NCAM2: variants seen among roughly 807,000 people sequenced by gnomAD.
The protein encoded by NCAM2 is neural cell adhesion molecule 2.
In NCAM2, 30 loss-of-function variants were observed where a neutral mutation model predicts 98.1. The ratio of observed to expected loss-of-function variants is 0.31; its 90% CI spans 0.23 to 0.41. The LOEUF (loss-of-function observed/expected upper bound fraction) is 0.41, where lower values mean the gene tolerates loss of function less well. Ranked by LOEUF, NCAM2 falls within the 10% of genes least tolerant of loss-of-function variation. The pLI, the probability that NCAM2 is intolerant of heterozygous loss-of-function variation, is 1.00. For missense variants in NCAM2, 867 were observed against 1,005.8 expected (o/e 0.86, Z 1.87); for synonymous variants, 368 against 342.4 (o/e 1.07, Z -0.83).
chr21:21,050,316 T>G, intron 1 of NCAM2, among the ~76,000 whole-genome samples: 1 of 152,184 alleles, frequency 6.6e-6, no homozygotes, highest in East Asian at 1.9e-4. Flanking sequence ...TGCCAAAACC[T>G]GATTTTAGTA....
At chr21:21,451,528 AG>A (rs1395999221) in intron 12 of NCAM2, among the ~76,000 whole-genome samples, 2 of 152,292 alleles carry the variant, frequency 1.3e-5, no homozygotes, top group East Asian at 3.9e-4. Context: ...TAGACATTTT[AG>A]TAAAATTAAA....
At chr21:21,027,278 G>A (rs2064570814) in intron 1 of NCAM2, among the ~76,000 whole-genome samples, 1 of 152,194 alleles carries the variant, frequency 6.6e-6, no homozygotes, top group African/African-American at 2.4e-5. Context: ...TAGGTAAGGT[G>A]AGCTCATTCA....
chr21:21,197,192 C>T (rs758174602), intron 1 of NCAM2, among the ~76,000 whole-genome samples: 3 of 152,154 alleles, frequency 2.0e-5, no homozygotes, highest in African/African-American at 7.2e-5. Flanking sequence ...TGCAGTGGCA[C>T]GATCTCAGCT....
intron 1 of NCAM2, among the ~76,000 whole-genome samples, chr21:21,144,105 T>C (rs2146667524): frequency 6.6e-6 from 1 of 152,214 alleles, no homozygotes; most frequent in East Asian, 1.9e-4. Context: ...ATCCCAGCAC[T>C]TTGGGAGGCC....
At position 21,468,794 on chromosome 21, in the gene NCAM2, T is replaced by C; in HGVS notation, c.1896+11T>C. 3 of 1,606,374 alleles carry C rather than the reference T, an allele frequency of 1.9e-6. No individual in the cohort carries two copies. Among genetic ancestry groups the C allele is most frequent in the Non-Finnish European group, 2.6e-6 (3 of 1,175,386 alleles). ...GTGAAATATAGAAGTGTAAGTACCTTGTTTATTGTCATATCATGCTAGGTT... is the reference window on the plus strand; with the variant it reads ...GTGAAATATAGAAGTGTAAGTACCTCGTTTATTGTCATATCATGCTAGGTT... On this transcript the variant is annotated intron_variant, in intron 14 of 17. Transcript: ENST00000400546.
intron 1 of NCAM2, among the ~76,000 whole-genome samples, chr21:21,240,523 G>A (rs571191857): frequency 6.6e-6 from 1 of 152,182 alleles, no homozygotes; most frequent in African/African-American, 2.4e-5. Flanking sequence ...TGGTGTGGTG[G>A]AAAAGGCACT....
rs571064448 is a variant in NCAM2 at position 21,507,298 on chromosome 21, C to T, written c.2078-1553C>T. On this transcript the variant is annotated intron_variant, in intron 15 of 17. Transcript: ENST00000400546. ...TCAAGTCATTATTAAAATATTAAAC[C>T]TAAGTTTAAAAATATCACATAGGAA... Among the ~76,000 whole-genome samples, 42 of 151,960 alleles carry T rather than the reference C, an allele frequency of 2.8e-4. No homozygotes were observed. The South Asian group carries it at 8.3e-3, about 30-fold the overall frequency.
intron 15 of NCAM2, among the ~76,000 whole-genome samples, chr21:21,490,144 A>G (rs1403526335): frequency 6.6e-6 from 1 of 152,088 alleles, no homozygotes; most frequent in Admixed American, 6.5e-5. Context: ...CTAATTTCCA[A>G]GCCTGAACTG....
chr21:21,086,734 C>T (rs950385804), intron 1 of NCAM2, among the ~76,000 whole-genome samples: 3 of 152,056 alleles, frequency 2.0e-5, no homozygotes, highest in African/African-American at 7.2e-5. Flanking sequence ...ATGAAATGGA[C>T]AGTTAATTTA....
intron 1 of NCAM2, among the ~76,000 whole-genome samples, chr21:21,045,832 A>G (rs1311981040): frequency 1.3e-5 from 2 of 152,148 alleles, no homozygotes; most frequent in Non-Finnish European, 2.9e-5. Context: ...ATTCCCTTCT[A>G]TCTTAGATAT....
chr21:21,037,249 TTTATTA>T (rs1261268958), intron 1 of NCAM2, among the ~76,000 whole-genome samples: 4 of 152,178 alleles, frequency 2.6e-5, no homozygotes, highest in African/African-American at 9.7e-5. Context: ...CTTGTTTTCT[TTTATTA>T]TTAATAGCAA....
chr21:21,022,250 CTTCT>C (rs1330978164), intron 1 of NCAM2, among the ~76,000 whole-genome samples: 3 of 151,824 alleles, frequency 2.0e-5, no homozygotes, highest in Non-Finnish European at 4.4e-5. Flanking sequence ...TGTGTTTTTC[CTTCT>C]TTATTTAGAT....
At chr21:21,033,543 T>G (rs1444900308) in intron 1 of NCAM2, among the ~76,000 whole-genome samples, 1 of 152,106 alleles carries the variant, frequency 6.6e-6, no homozygotes, top group Non-Finnish European at 1.5e-5. Flanking sequence ...TAAATTTTTT[T>G]TCAGGTGAAA....
At position 21,318,683 on chromosome 21, in the gene NCAM2, TTACC is replaced by T. The variant is rs1443327871; in HGVS notation, c.620-5697_620-5694del. Reference sequence around the variant, plus strand: ...ACATATTAAATATTCATTTACCACTTTACCTATGAATTTCAATTATGGTTAATTA... The same window carrying T: ...ACATATTAAATATTCATTTACCACTTTATGAATTTCAATTATGGTTAATTA... On this transcript the variant is annotated intron_variant, in intron 5 of 17. Transcript: ENST00000400546. Among the ~76,000 whole-genome samples, 11 of 152,306 alleles carry T rather than the reference TTACC, an allele frequency of 7.2e-5. No individual in the cohort carries two copies. In the East Asian group the frequency reaches 2.1e-3, roughly 29 times the overall value.
chr21:21,001,067 G>A (rs1334633957), intron 1 of NCAM2, among the ~76,000 whole-genome samples: 1 of 152,166 alleles, frequency 6.6e-6, no homozygotes, highest in Non-Finnish European at 1.5e-5. Context: ...CATGATTGAA[G>A]CTATTGCTTT....
intron 5 of NCAM2, among the ~76,000 whole-genome samples, chr21:21,294,032 C>T (rs2073389896): frequency 6.6e-6 from 1 of 151,380 alleles, no homozygotes; most frequent in Non-Finnish European, 1.5e-5. Context: ...GGCATAGTAA[C>T]CCTTTGTTAT....
chr21:21,169,711 G>T (rs2068059991), intron 1 of NCAM2, among the ~76,000 whole-genome samples: 1 of 152,178 alleles, frequency 6.6e-6, no homozygotes, highest in African/African-American at 2.4e-5. Flanking sequence ...CACTTTGGGA[G>T]GCTGAGACTG....
intron 1 of NCAM2, among the ~76,000 whole-genome samples, chr21:21,113,127 C>CA (rs5842892): frequency 0.93 from 141,504 of 152,224 alleles, 65,886 homozygotes; most frequent in African/African-American, 0.97. Flanking sequence ...ATATAGCTTT[C>CA]GGGGTTCTGT....
chr21:21,255,812 C>T (rs1174548783), intron 1 of NCAM2, among the ~76,000 whole-genome samples: 1 of 152,148 alleles, frequency 6.6e-6, no homozygotes, highest in Non-Finnish European at 1.5e-5. Context: ...ATGATTAGGT[C>T]TAAGAGTCTC....
Sources: gnomAD v4.1 joint callset for allele counts (sites outside exome capture counted in the v4.1 genomes callset) on GRCh38, gnomAD v4.1.1 for gene constraint, MANE v1.5 for transcripts, NCBI Gene and HGNC (gene_info 2026-07-23, HGNC 2026-07-21) for gene names.